The following PCSK5 variants were observed in gnomAD, a reference collection of about 807,000 sequenced individuals.
PCSK5 encodes the protein proprotein convertase subtilisin/kexin type 5, also known as prohormone convertase 5.
PCSK5 carries 129 observed loss-of-function variants against 233.2 expected under a neutral mutation model. The observed-to-expected ratio is 0.55, with a 90% CI of 0.48 to 0.64. PCSK5 has a LOEUF of 0.64. PCSK5 is among the 30% of genes least tolerant of loss of function. The pLI is 0.00. For synonymous variants in PCSK5, 825 were observed against 879.2 expected (o/e 0.94, Z 1.09); for missense variants, 2,076 against 2,430.1 (o/e 0.85, Z 3.06).
At chr9:75,933,826 G>A (rs1048047662) in intron 2 of PCSK5, among the ~76,000 whole-genome samples, 2 of 152,178 alleles carry the variant, frequency 1.3e-5, no homozygotes, top group Admixed American at 1.3e-4. Flanking sequence ...CATTTTCAAA[G>A]CAAAGTCATA....
intron 10 of PCSK5, among the ~76,000 whole-genome samples, chr9:76,140,213 T>TA (rs1166014036): frequency 6.6e-6 from 1 of 152,140 alleles, no homozygotes; most frequent in East Asian, 1.9e-4. Context: ...ATTTACCTGT[T>TA]ATCTCTATAC....
intron 5 of PCSK5, among the ~76,000 whole-genome samples, chr9:76,032,528 AATCCCTTTCTC>A (rs1828692466): frequency 6.6e-6 from 1 of 152,152 alleles, no homozygotes; most frequent in African/African-American, 2.4e-5. Context: ...AAGTTATAAA[AATCCCTTTCTC>A]GTCACTTTTG....
chr9:76,017,353 T>G (rs1827990613), intron 3 of PCSK5, among the ~76,000 whole-genome samples: 1 of 152,196 alleles, frequency 6.6e-6, no homozygotes. Flanking sequence ...AATCTCCTTT[T>G]TTAAAAAAAC....
In PCSK5 at chr9:76,361,895, T is replaced by C. The variant is rs1830437072; in HGVS notation, c.*2973T>C. 1 of 152,242 alleles carries C rather than the reference T, an allele frequency of 6.6e-6. No homozygotes were observed. The highest frequency in any genetic ancestry group is 2.1e-4 in the South Asian group (1 of 4,830). The allele number at this position is 152,242 out of a possible 1,614,324, so 9.4% of individuals were successfully genotyped here. On this transcript the variant is annotated 3_prime_UTR_variant, in exon 38 of 38. Coordinates refer to ENST00000674117, the MANE Select transcript of PCSK5 (RefSeq NM_001372043.1). Reference sequence around the variant, plus strand: ...TATACTGTGTTGTTCATCTTCCTTGTTAATTCTAAAGCTCTGATAGACTGA... The same window carrying C: ...TATACTGTGTTGTTCATCTTCCTTGCTAATTCTAAAGCTCTGATAGACTGA...
chr9:75,899,618 G>A (rs930969689), intron 1 of PCSK5, among the ~76,000 whole-genome samples: 5 of 152,034 alleles, frequency 3.3e-5, no homozygotes, highest in Non-Finnish European at 5.9e-5. Context: ...ACATATAAGC[G>A]GGATCATCAG....
At position 76,355,198 on chromosome 9, in the gene PCSK5, C is replaced by T. The variant is rs559902400; in HGVS notation, c.5254+979C>T. On this transcript the variant is annotated intron_variant, in intron 37 of 37. Transcript: ENST00000674117. ...TTCTAAAAAAAGAAACATGGCCGGG[C>T]GCGGTGGCTCACGCCTGTAATCTCA... Among the ~76,000 whole-genome samples, 23 of 152,260 alleles carry T rather than the reference C, an allele frequency of 1.5e-4. 1 individual carries two copies. Among genetic ancestry groups the T allele is most frequent in the South Asian group, 6.2e-4 (3 of 4,818 alleles).
At chr9:76,014,516 A>G (rs931209184) in intron 3 of PCSK5, among the ~76,000 whole-genome samples, 2 of 152,332 alleles carry the variant, frequency 1.3e-5, no homozygotes, top group East Asian at 3.9e-4. Flanking sequence ...AACAATATTC[A>G]AGTTCAGCTA....
At chr9:76,236,328 A>G (rs1322085577) in intron 22 of PCSK5, among the ~76,000 whole-genome samples, 3 of 152,090 alleles carry the variant, frequency 2.0e-5, no homozygotes, top group African/African-American at 4.8e-5. Context: ...TTCTCACCTA[A>G]CAGAATCAGC....
chr9:76,318,360 A>C (rs1463743417), intron 30 of PCSK5, among the ~76,000 whole-genome samples: 1 of 152,088 alleles, frequency 6.6e-6, no homozygotes, highest in Non-Finnish European at 1.5e-5. Context: ...AGAAATACCT[A>C]ATGTAGATAG....
intron 2 of PCSK5, among the ~76,000 whole-genome samples, chr9:75,950,217 GTTTT>G (rs549663422): frequency 2.2e-5 from 3 of 137,600 alleles, no homozygotes; most frequent in Non-Finnish European, 4.8e-5. Flanking sequence ...TTATTTATTT[GTTTT>G]TTTTTTTTGA....
At chr9:76,021,429 G>C (rs920816611) in intron 3 of PCSK5, among the ~76,000 whole-genome samples, 1 of 152,056 alleles carries the variant, frequency 6.6e-6, no homozygotes, top group African/African-American at 2.4e-5. Context: ...AAAAGGCTAT[G>C]TGTTAAGAGG....
At chr9:76,207,898 A>C (rs1171373997) in intron 20 of PCSK5, among the ~76,000 whole-genome samples, 1 of 152,096 alleles carries the variant, frequency 6.6e-6, no homozygotes. Flanking sequence ...AAAAAATAGG[A>C]CTTTATTTGG....
At chr9:76,195,690 GTTTTC>G (rs1375973025) in intron 20 of PCSK5, 1 of 152,038 alleles carries the variant, frequency 6.6e-6, no homozygotes, top group Non-Finnish European at 1.5e-5. Flanking sequence ...TCCTATTTCT[GTTTTC>G]TTTTGTCTTT....
At chr9:76,341,868 T>C (rs1829847131) in intron 35 of PCSK5, among the ~76,000 whole-genome samples, 1 of 152,094 alleles carries the variant, frequency 6.6e-6, no homozygotes, top group Admixed American at 6.5e-5. Flanking sequence ...TGTCAGGAGG[T>C]GATGTCTATG....
At chr9:76,273,010 A>G (rs1172893022) in intron 24 of PCSK5, among the ~76,000 whole-genome samples, 2 of 151,658 alleles carry the variant, frequency 1.3e-5, no homozygotes, top group Non-Finnish European at 2.9e-5. Context: ...GGGGGCAACT[A>G]TGCTATATTT....
chr9:76,281,130 T>A (rs752675527), intron 24 of PCSK5, among the ~76,000 whole-genome samples: 1 of 152,224 alleles, frequency 6.6e-6, no homozygotes, highest in Non-Finnish European at 1.5e-5. Flanking sequence ...ATGCAGAAGC[T>A]GCAGCAAATG....
rs762729047 is a variant in PCSK5, at chr9:75,973,845, C to CT, written c.298-12283dup. On this transcript the variant is annotated intron_variant, in intron 2 of 37. Transcript: ENST00000674117. ...GGCCCAAATGTGCCAGGGTGGAACC[C>CT]TTTTGGGGGCAGAGGGCCGAGGAGT... Among the ~76,000 whole-genome samples, 5 of 152,138 alleles carry CT rather than the reference C, an allele frequency of 3.3e-5. No homozygotes were observed. In the East Asian group the frequency reaches 7.7e-4, roughly 23 times the overall value.
chr9:76,148,970 G>T (rs1823560869), intron 10 of PCSK5, among the ~76,000 whole-genome samples: 1 of 152,066 alleles, frequency 6.6e-6, no homozygotes, highest in Non-Finnish European at 1.5e-5. Flanking sequence ...CAAATATTCT[G>T]GTCTCATTAC....
At chr9:75,949,530 T>A (rs1432240206) in intron 2 of PCSK5, among the ~76,000 whole-genome samples, 1 of 151,998 alleles carries the variant, frequency 6.6e-6, no homozygotes, top group Non-Finnish European at 1.5e-5. Context: ...TTAAATTTAT[T>A]ATTATTTATT....
Sources: allele counts gnomAD v4.1 joint callset (sites outside exome capture counted in the v4.1 genomes callset), GRCh38; gene constraint gnomAD v4.1.1; transcripts MANE v1.5; gene names NCBI Gene and HGNC (gene_info 2026-07-23, HGNC 2026-07-21).